Variants in PSG8 observed in about 807,000 individuals in gnomAD.
PSG8 encodes pregnancy specific beta-1-glycoprotein 8.
PSG8 carries 57 observed loss-of-function variants against 42.5 expected under a neutral mutation model. The ratio of observed to expected loss-of-function variants is 1.34; its 90% CI spans 1.08 to 1.67. The LOEUF (loss-of-function observed/expected upper bound fraction) is 1.67. PSG8 is among the 40% of genes most tolerant of loss of function. PSG8 has a pLI of 0.00. For missense variants in PSG8, 783 were observed against 518.6 expected (o/e 1.51, Z -4.95); for synonymous variants, 280 against 196.8 (o/e 1.42, Z -3.54).
At chr19:42,754,749 T>C in intron 4 of PSG8, 162 bp from the exon 5 acceptor site, 2 of 1,331,718 alleles carry the variant, frequency 1.5e-6, no homozygotes, top group Non-Finnish European at 2.0e-6. Context: ...TATTCACCTG[T>C]TTCTCCCATC....
chr19:42,753,023 G>C, downstream of PSG8: 1 of 548,676 alleles, frequency 1.8e-6, no homozygotes, highest in Non-Finnish European at 3.3e-6. Flanking sequence ...TCTAATGACT[G>C]CATTATCCTG....
chr19:42,757,012 T>G lies in PSG8; in HGVS notation c.709+990A>C, dbSNP rs1298491958. 3.9e-5 allele frequency among the ~76,000 whole-genome samples: 6 copies of G among 152,080 alleles called. No individual in the cohort carries two copies. In the East Asian group the frequency reaches 9.6e-4, roughly 24 times the overall value. On this transcript the variant is annotated intron_variant, in intron 3 of 4. Transcript: ENST00000306511. ...ATATTGATATCGTCTTTAACTTGTT[T>G]CAGCAATCTTTTGTAGTTTTCAGGG... is the stretch of plus-strand genomic sequence containing the variant.
In PSG8 at chr19:42,764,009, T is replaced by G; in HGVS notation, c.337A>C (p.Thr113Pro). ...GTGTAGGATCCTGCGTCTTCCTGGG[T>G]GACATTCTGGATCAGCAGGGATGCA... ...SNASLLIQNV[T>P]QEDAGSYTLH... is the part of the protein sequence containing the mutation. The change falls in exon 2 of 5, where the codon ACC becomes CCC. Residue 113 changes from threonine to proline, a missense_variant. Thr to Pro is a conservative substitution (Grantham distance 38). Coordinates refer to ENST00000306511, the MANE Select transcript of PSG8 (RefSeq NM_182707.3). 1.2e-6 allele frequency: 2 copies of G among 1,613,644 alleles called. No homozygotes were observed.
chr19:42,752,999 A>G (rs1969819683), downstream of PSG8: 2 of 501,896 alleles, frequency 4.0e-6, no homozygotes, highest in South Asian at 5.1e-5. Context: ...CTCAGAAGCT[A>G]CTACATGTGA....
downstream of PSG8, chr19:42,753,953 G>T (rs1449647060): frequency 3.4e-6 from 2 of 583,274 alleles, no homozygotes; most frequent in Non-Finnish European, 6.4e-6. Context: ...ATAAACTGCG[G>T]TATAGTTTAT....
chr19:42,755,593 T>C (rs1300341091), intron 3 of PSG8: 6 of 452,204 alleles, frequency 1.3e-5, no homozygotes, highest in Admixed American at 1.1e-4. Flanking sequence ...TGGCTCACCC[T>C]GGGTTCCTTA....
rs1315501297 is a variant in PSG8 at position 42,755,038 on chromosome 19, C to G, written c.938G>C (p.Arg313Thr). 1.9e-5 allele frequency: 31 copies of G among 1,612,946 alleles called. No individual in the cohort carries two copies. Among genetic ancestry groups the G allele is most frequent in the Non-Finnish European group, 2.5e-5 (30 of 1,179,712 alleles). ...ACTGCGGATGCCACCATATTGGTCC[C>G]TTATTTCACATTGATAGGGTCCTGT... is the stretch of plus-strand genomic sequence containing the variant. ...NETGPYQCEI[R>T]DQYGGIRSYP... Residue 313 changes from arginine to threonine, a missense_variant, in exon 4 of 5, where the codon AGG (arginine) becomes ACG (threonine). Physicochemically the swap from Arg to Thr is moderately conservative, Grantham distance 71. Coordinates refer to ENST00000306511, the MANE Select transcript of PSG8 (RefSeq NM_182707.3).
intron 2 of PSG8, among the ~76,000 whole-genome samples, chr19:42,762,697 G>C (rs1040299287): frequency 6.6e-6 from 1 of 151,880 alleles, no homozygotes; most frequent in African/African-American, 2.4e-5. Flanking sequence ...AGTGATGGGG[G>C]CTAAGATCTG....
At position 42,758,117 on chromosome 19, in the gene PSG8, G is replaced by C. The variant is rs146641163; in HGVS notation, c.594C>G (p.Thr198=). ...CACCCAATAGAAAGAGGGTCCTGTT[G>C]GTTTCAGACAACTGCAACCTGTGAG... is the stretch of plus-strand genomic sequence containing the variant. The part of the protein sequence containing the change: ...PMSHRLQLSE[T]NRTLFLLGVT... The change falls in exon 3 of 5, where the codon ACC becomes ACG. Residue 198 remains threonine (T), a synonymous_variant. Transcript: ENST00000306511. 1.9e-6 allele frequency: 3 copies of C among 1,613,966 alleles called. No individual in the cohort carries two copies. Among genetic ancestry groups the C allele is most frequent in the Non-Finnish European group, 2.5e-6 (3 of 1,179,932 alleles).
At chr19:42,764,401 CAT>C in intron 1 of PSG8, 120 bp from the exon 2 acceptor site, 1 of 1,454,336 alleles carries the variant, frequency 6.9e-7, no homozygotes, top group Non-Finnish European at 9.3e-7. Context: ...GACACACACA[CAT>C]ACAAACACAC....
chr19:42,757,413 A>G (rs1414226554), intron 3 of PSG8, among the ~76,000 whole-genome samples: 18 of 151,846 alleles, frequency 1.2e-4, no homozygotes, highest in Admixed American at 1.2e-3. Context: ...ACAGACATAG[A>G]CCCCTCTATA....
intron 3 of PSG8, among the ~76,000 whole-genome samples, chr19:42,756,547 C>T (rs1969931918): frequency 6.6e-6 from 1 of 152,070 alleles, no homozygotes; most frequent in African/African-American, 2.4e-5. Flanking sequence ...ATCTAAAATG[C>T]TCCAGTGAGC....
At chr19:42,755,558 G>C (rs1600407405) in intron 3 of PSG8, 1 of 612,472 alleles carries the variant, frequency 1.6e-6, no homozygotes, top group East Asian at 3.3e-5. Context: ...ATCCCTCCCA[G>C]TCCCTCCCTA....
rs1250490946 is a variant in PSG8 at position 42,764,012 on chromosome 19, C to A, written c.334G>T (p.Val112Phe). 1.2e-6 allele frequency: 2 copies of A among 1,613,068 alleles called. No homozygotes were observed. Among genetic ancestry groups the A allele is most frequent in the East Asian group, 4.5e-5 (2 of 44,846 alleles). Residue 112 changes from valine (V) to phenylalanine (F), a missense_variant, in exon 2 of 5, where the codon GTC becomes TTC. By Grantham distance (50) the Val-to-Phe change is conservative. Transcript: ENST00000306511. Reference sequence around the variant, plus strand: ...TAGGATCCTGCGTCTTCCTGGGTGACATTCTGGATCAGCAGGGATGCATTG... The same window carrying A: ...TAGGATCCTGCGTCTTCCTGGGTGAAATTCTGGATCAGCAGGGATGCATTG... ...YSNASLLIQN[V>F]TQEDAGSYTL...
At chr19:42,762,027 T>A (rs10405060) in intron 2 of PSG8, among the ~76,000 whole-genome samples, 3,283 of 149,996 alleles carry the variant, frequency 0.022, 25 homozygotes, top group African/African-American at 0.078. Context: ...AGATGAAGCC[T>A]GGCAGGAGTG....
chr19:42,761,081 A>C (rs1022051548), intron 2 of PSG8, among the ~76,000 whole-genome samples: 2 of 152,124 alleles, frequency 1.3e-5, no homozygotes, highest in Admixed American at 1.3e-4. Context: ...TGGGGACTGC[A>C]GGCCTGTCCA....
In PSG8 at chr19:42,763,943, T is replaced by C. The variant is rs1970142141; in HGVS notation, c.403A>G (p.Thr135Ala). ...IMGGDENRGV[T>A]GHFTFTLYLE... is the part of the protein sequence containing the mutation. Reference sequence around the variant, plus strand: ...TATAAGGTGAAGGTGAAATGTCCAGTTACTCCTCTATTCTCATCACCTCCC... The same window carrying C: ...TATAAGGTGAAGGTGAAATGTCCAGCTACTCCTCTATTCTCATCACCTCCC... The change falls in exon 2 of 5, where the codon ACT (threonine) becomes GCT (alanine). Residue 135 changes from threonine to alanine, a missense_variant. Physicochemically the swap from Thr to Ala is moderately conservative, Grantham distance 58 (BLOSUM62 0). Coordinates refer to ENST00000306511, the MANE Select transcript of PSG8 (RefSeq NM_182707.3). The C allele has an allele frequency of 1.2e-6, 2 of 1,613,618 alleles. No individual in the cohort carries two copies. The highest frequency in any genetic ancestry group is 2.2e-5 in the South Asian group (2 of 91,054).
rs146454279 is a variant in PSG8, at chr19:42,755,367, C to G, written c.710-101G>C. The G allele has an allele frequency of 5.1e-6, 8 of 1,553,976 alleles. No homozygotes were observed. In the East Asian group the frequency reaches 9.0e-5, roughly 17 times the overall value. ...GGCATCTCCCACTTCTCAGCCCACC[C>G]GAGTCCTTGAAAGCCAATAGCTGGT... On this transcript the variant is annotated intron_variant, in intron 3 of 4. Transcript: ENST00000306511.
intron 4 of PSG8, 57 bp from the exon 5 acceptor site, chr19:42,754,644 T>A: frequency 1.3e-6 from 2 of 1,563,966 alleles, no homozygotes; most frequent in South Asian, 1.2e-5. Context: ...GGGATGTTCC[T>A]GGTCTCTTAA....
Sources: gnomAD v4.1 joint callset for allele counts (sites outside exome capture counted in the v4.1 genomes callset) on GRCh38, gnomAD v4.1.1 for gene constraint, MANE v1.5 for transcripts, NCBI Gene and HGNC (gene_info 2026-07-23, HGNC 2026-07-21) for gene names.